SLC6A15: variants seen among roughly 807,000 people sequenced by gnomAD.
The protein encoded by SLC6A15 is sodium-dependent neutral amino acid transporter B(0)AT2.
In SLC6A15, 33 loss-of-function variants were observed where a neutral mutation model predicts 68.5. The ratio of observed to expected loss-of-function variants is 0.48; its 90% confidence interval spans 0.37 to 0.64. SLC6A15 has a LOEUF of 0.64. SLC6A15 is among the 30% of genes least tolerant of loss of function. The probability of loss-of-function intolerance (pLI) is 0.00; values close to 1 mark genes in which losing one functional copy is unlikely to be tolerated. For synonymous variants in SLC6A15, 347 were observed against 301.0 expected (o/e 1.15, Z -1.58); for missense variants, 747 against 874.3 (o/e 0.85, Z 1.84).
chr12:84,869,079 CACAT>C (rs1455182590), intron 9 of SLC6A15, among the ~76,000 whole-genome samples: 12 of 152,100 alleles, frequency 7.9e-5, no homozygotes, highest in Admixed American at 5.2e-4. Flanking sequence ...CATGCACAAA[CACAT>C]ACAGACATAA....
intron 4 of SLC6A15, 23 bp downstream of exon 4, chr12:84,885,412 A>T (rs753831698): frequency 3.8e-6 from 6 of 1,574,718 alleles, no homozygotes; most frequent in Non-Finnish European, 3.4e-6. Flanking sequence ...AAATACCAAA[A>T]CACTGTATTA....
At chr12:84,864,142 T>C (rs569498880) in intron 10 of SLC6A15, among the ~76,000 whole-genome samples, 38 of 151,392 alleles carry the variant, frequency 2.5e-4, no homozygotes, top group African/African-American at 8.7e-4. Context: ...GTAAAAGTAA[T>C]AATTCCTTAA....
At chr12:84,870,068 G>A (rs1456377900) in intron 9 of SLC6A15, among the ~76,000 whole-genome samples, 1 of 151,676 alleles carries the variant, frequency 6.6e-6, no homozygotes, top group East Asian at 1.9e-4. Flanking sequence ...CGGGATTTAG[G>A]TTTATCATTT....
At chr12:84,910,413 T>C (rs922366885) in intron 1 of SLC6A15, among the ~76,000 whole-genome samples, 3 of 152,160 alleles carry the variant, frequency 2.0e-5, no homozygotes, top group Admixed American at 1.3e-4. Context: ...GATGATTCCA[T>C]AGAAAAGGCA....
chr12:84,905,316 G>T (rs1873091120), intron 1 of SLC6A15, among the ~76,000 whole-genome samples: 2 of 152,082 alleles, frequency 1.3e-5, no homozygotes, highest in African/African-American at 4.8e-5. Context: ...AAAATCACAT[G>T]ACTATATCTA....
intron 10 of SLC6A15, among the ~76,000 whole-genome samples, chr12:84,866,554 C>T (rs1324269802): frequency 6.6e-6 from 1 of 152,106 alleles, no homozygotes; most frequent in Non-Finnish European, 1.5e-5. Context: ...ACATGCACTC[C>T]TCTTATAAAT....
intron 1 of SLC6A15, among the ~76,000 whole-genome samples, chr12:84,904,678 A>G (rs1441797401): frequency 3.9e-5 from 6 of 152,210 alleles, no homozygotes; most frequent in Non-Finnish European, 8.8e-5. Flanking sequence ...CATTTAGTCA[A>G]TCATATGTAA....
At chr12:84,910,821 C>A (rs1445820056) in intron 1 of SLC6A15, among the ~76,000 whole-genome samples, 1 of 152,118 alleles carries the variant, frequency 6.6e-6, no homozygotes, top group East Asian at 1.9e-4. Flanking sequence ...CTATAAATGG[C>A]CCCAGCCTGT....
chr12:84,880,817 G>T, intron 5 of SLC6A15: 1 of 636,814 alleles, frequency 1.6e-6, no homozygotes, highest in Non-Finnish European at 2.0e-6. Flanking sequence ...TTTTACTAAA[G>T]TGTTTAAAAA....
chr12:84,897,522 T>C (rs1299842093), intron 1 of SLC6A15, among the ~76,000 whole-genome samples: 1 of 151,998 alleles, frequency 6.6e-6, no homozygotes, highest in Non-Finnish European at 1.5e-5. Context: ...GAGTAAACAC[T>C]GATAAATTAC....
At chr12:84,889,836 T>C (rs1346833438) in intron 2 of SLC6A15, among the ~76,000 whole-genome samples, 1 of 152,192 alleles carries the variant, frequency 6.6e-6, no homozygotes, top group Non-Finnish European at 1.5e-5. Context: ...AACAGTGAAA[T>C]TGACTTCAAA....
At chr12:84,903,013 A>G (rs1872956786) in intron 1 of SLC6A15, among the ~76,000 whole-genome samples, 1 of 152,108 alleles carries the variant, frequency 6.6e-6, no homozygotes, top group Non-Finnish European at 1.5e-5. Context: ...CAGCATCAAT[A>G]TGCTGGTTTT....
intron 5 of SLC6A15, chr12:84,881,350 A>G (rs1871811823): frequency 1.7e-6 from 1 of 602,316 alleles, no homozygotes; most frequent in African/African-American, 2.0e-5. Context: ...CTCCTCCATA[A>G]TACCCACTAT....
chr12:84,877,114 A>G (rs1019609791), intron 5 of SLC6A15, among the ~76,000 whole-genome samples: 1 of 152,192 alleles, frequency 6.6e-6, no homozygotes, highest in Non-Finnish European at 1.5e-5. Flanking sequence ...CGCTTCAGCA[A>G]TTTTCACTGT....
At chr12:84,911,093 A>T (rs886680227) in intron 1 of SLC6A15, among the ~76,000 whole-genome samples, 1 of 152,122 alleles carries the variant, frequency 6.6e-6, no homozygotes, top group Non-Finnish European at 1.5e-5. Flanking sequence ...TTCAGCAATG[A>T]TCTTGCAGAA....
chr12:84,885,831 C>T (rs1872073334), intron 3 of SLC6A15, 80 bp downstream of exon 3: 10 of 1,384,588 alleles, frequency 7.2e-6, no homozygotes, highest in African/African-American at 1.5e-5. Context: ...AACACACACT[C>T]CAAAGTTTCA....
At chr12:84,881,695 T>C (rs1871829467) in intron 5 of SLC6A15, 1 of 940,956 alleles carries the variant, frequency 1.1e-6, no homozygotes, top group Non-Finnish European at 1.3e-6. Context: ...TAAGTTGTTT[T>C]TCCATGTGCT....
chr12:84,876,455 G>T, intron 6 of SLC6A15, 42 bp downstream of exon 6: 1 of 978,710 alleles, frequency 1.0e-6, no homozygotes, highest in Non-Finnish European at 1.6e-6. Context: ...TAAACATAAT[G>T]CTTTCATGAT....
chr12:84,887,507 C>G (rs557428471), intron 2 of SLC6A15, among the ~76,000 whole-genome samples: 109 of 152,116 alleles, frequency 7.2e-4, no homozygotes, highest in Non-Finnish European at 9.9e-4. Context: ...GTCTTTCATT[C>G]TTAGTTGATT....
Sources: allele counts gnomAD v4.1 joint callset (sites outside exome capture counted in the v4.1 genomes callset), GRCh38; gene constraint gnomAD v4.1.1; transcripts MANE v1.5; gene names NCBI Gene and HGNC (gene_info 2026-07-23, HGNC 2026-07-21).